The following CHD7 variants were observed in gnomAD, a reference collection of about 807,000 sequenced individuals.
CHD7 encodes ATP-dependent chromatin remodeler CHD7.
In CHD7, 24 loss-of-function variants were observed where a neutral mutation model predicts 307.3. The ratio of observed to expected loss-of-function variants is 0.08; its 90% confidence interval spans 0.06 to 0.11. CHD7 has a LOEUF of 0.11. Ranked by LOEUF, CHD7 falls within the 10% of genes least tolerant of loss-of-function variation. CHD7 has a pLI of 1.00. For missense variants in CHD7, 3,106 were observed against 3,727.1 expected (o/e 0.83, Z 4.34); for synonymous variants, 1,363 against 1,349.9 (o/e 1.01, Z -0.21).
chr8:60,771,553 T>A (rs970913607), intron 2 of CHD7, among the ~76,000 whole-genome samples: 1 of 152,194 alleles, frequency 6.6e-6, no homozygotes, highest in Non-Finnish European at 1.5e-5. Context: ...TAAAACAATA[T>A]CTATTTCCTC....
At chr8:60,685,203 A>G (rs1805820746) in intron 1 of CHD7, among the ~76,000 whole-genome samples, 1 of 152,248 alleles carries the variant, frequency 6.6e-6, no homozygotes. Flanking sequence ...TGCTAGTGGC[A>G]TTCCAGAACT....
At chr8:60,864,232 C>T (rs1358151678) in intron 37 of CHD7, 1 of 152,286 alleles carries the variant, frequency 6.6e-6, no homozygotes, top group Non-Finnish European at 1.5e-5. Context: ...CCACCTCAGC[C>T]TCCTGATTAG....
intron 7 of CHD7, among the ~76,000 whole-genome samples, chr8:60,815,164 C>T (rs145338703): frequency 1.3e-5 from 2 of 152,242 alleles, no homozygotes; most frequent in Admixed American, 6.5e-5. Context: ...TATAGAAGGA[C>T]TAAATGAGTC....
chr8:60,861,183 C>T, intron 35 of CHD7, 58 bp downstream of exon 35: 2 of 1,312,298 alleles, frequency 1.5e-6, no homozygotes, highest in Non-Finnish European at 2.1e-6. Flanking sequence ...CACTTCATTC[C>T]CTTACAACAT....
chr8:60,706,337 G>T (rs1807020915), intron 1 of CHD7, among the ~76,000 whole-genome samples: 1 of 152,128 alleles, frequency 6.6e-6, no homozygotes. Context: ...GCACATCTTG[G>T]TAGTATTTAG....
At chr8:60,757,758 G>A (rs1349888623) in intron 2 of CHD7, among the ~76,000 whole-genome samples, 1 of 152,210 alleles carries the variant, frequency 6.6e-6, no homozygotes, top group Non-Finnish European at 1.5e-5. Flanking sequence ...ACTCTGATTT[G>A]ATACTTAGAT....
At chr8:60,850,901 A>G (rs1278583343) in intron 26 of CHD7, 131 bp from the exon 27 acceptor site, 1 of 712,634 alleles carries the variant, frequency 1.4e-6, no homozygotes, top group Non-Finnish European at 2.3e-6. Flanking sequence ...AAATACTGAT[A>G]GAGTTGCTTT....
intron 1 of CHD7, among the ~76,000 whole-genome samples, chr8:60,714,572 T>A (rs1417115039): frequency 6.6e-6 from 1 of 152,172 alleles, no homozygotes; most frequent in Non-Finnish European, 1.5e-5. Context: ...TCCTGGCCCC[T>A]GGGCTTCTCG....
intron 1 of CHD7, among the ~76,000 whole-genome samples, chr8:60,724,266 T>C (rs988785279): frequency 6.6e-6 from 1 of 152,194 alleles, no homozygotes; most frequent in African/African-American, 2.4e-5. Flanking sequence ...TTAATTCTTA[T>C]TACAGCACAA....
At chr8:60,826,229 A>G (rs1458473152) in intron 13 of CHD7, among the ~76,000 whole-genome samples, 1 of 152,228 alleles carries the variant, frequency 6.6e-6, no homozygotes, top group Non-Finnish European at 1.5e-5. Flanking sequence ...ACCTTCCCCA[A>G]GGACTTATAA....
At chr8:60,786,103 G>T (rs1002311171) in intron 3 of CHD7, among the ~76,000 whole-genome samples, 1 of 152,118 alleles carries the variant, frequency 6.6e-6, no homozygotes, top group Non-Finnish European at 1.5e-5. Flanking sequence ...TCCCTTTCCT[G>T]CTGCCTCAAA....
intron 2 of CHD7, among the ~76,000 whole-genome samples, chr8:60,743,893 G>A (rs1809187674): frequency 6.6e-6 from 1 of 152,198 alleles, no homozygotes; most frequent in African/African-American, 2.4e-5. Context: ...AATATATACT[G>A]ATTATCTACC....
chr8:60,813,186 A>G (rs1401901818), intron 7 of CHD7, among the ~76,000 whole-genome samples: 2 of 152,182 alleles, frequency 1.3e-5, no homozygotes, highest in Non-Finnish European at 2.9e-5. Flanking sequence ...TTTCTCTAAC[A>G]TATCCCCTTA....
chr8:60,767,752 T>C (rs2054667), intron 2 of CHD7, among the ~76,000 whole-genome samples: 118,452 of 152,188 alleles, frequency 0.78, 46,381 homozygotes, highest in East Asian at 0.94. Context: ...TTCTGCTTTC[T>C]CTTTCTTCTC....
intron 1 of CHD7, among the ~76,000 whole-genome samples, chr8:60,739,270 G>C (rs1029967659): frequency 6.6e-6 from 1 of 152,196 alleles, no homozygotes; most frequent in African/African-American, 2.4e-5. Flanking sequence ...TAATTTGAAA[G>C]GTTATTTTGG....
chr8:60,849,281 C>T, intron 25 of CHD7, 127 bp downstream of exon 25: 1 of 535,704 alleles, frequency 1.9e-6, no homozygotes, highest in East Asian at 3.0e-5. Flanking sequence ...TTGGCGTCTA[C>T]CATTTTTCTG....
intron 1 of CHD7, among the ~76,000 whole-genome samples, chr8:60,689,244 C>G (rs1028452842): frequency 6.6e-6 from 1 of 152,146 alleles, no homozygotes; most frequent in African/African-American, 2.4e-5. Context: ...AACTTTACTG[C>G]AAGTTTGCAA....
intron 6 of CHD7, 113 bp downstream of exon 6, chr8:60,801,706 A>T: frequency 1.4e-6 from 1 of 693,784 alleles, no homozygotes; most frequent in Non-Finnish European, 2.5e-6. Flanking sequence ...ACTTCCAGTA[A>T]TATTTCTAAT....
rs193154029 is a variant in CHD7 at position 60,866,029 on chromosome 8, C to A, written c.*96C>A. ...TAATGTTCATACCTAGTTTTATAAGCTGTTCTGTAACATAGTGTAGCAAAA... is the reference window on the plus strand; with the variant it reads ...TAATGTTCATACCTAGTTTTATAAGATGTTCTGTAACATAGTGTAGCAAAA... On this transcript the variant is annotated 3_prime_UTR_variant, in exon 38 of 38. Transcript: ENST00000423902. 894 of 1,172,850 alleles carry A rather than the reference C, an allele frequency of 7.6e-4. 1 individual carries two copies. The highest frequency in any genetic ancestry group is 9.9e-4 in the Non-Finnish European group (809 of 819,996). 72.7% of individuals were successfully genotyped at this position (1,172,850 alleles called of 1,614,324 possible). A position where few individuals can be genotyped will look rare whatever the true frequency, so the allele number is the denominator to read the frequency against.
Sources: allele counts gnomAD v4.1 joint callset (sites outside exome capture counted in the v4.1 genomes callset), GRCh38; gene constraint gnomAD v4.1.1; transcripts MANE v1.5; gene names NCBI Gene and HGNC (gene_info 2026-07-23, HGNC 2026-07-21).